RFC1: variants seen among roughly 807,000 people sequenced by gnomAD.
The protein encoded by RFC1 is A1 140 kDa subunit.
A neutral mutation model predicts 137.4 loss-of-function variants in RFC1; 37 were observed. The observed-to-expected ratio is 0.27, with a 90% CI of 0.21 to 0.35. The LOEUF (loss-of-function observed/expected upper bound fraction) is 0.35. Among genes scored for constraint, RFC1 ranks in the 10% least tolerant of loss-of-function variants. The pLI is 1.00. For synonymous variants in RFC1, 429 were observed against 455.7 expected, an observed-to-expected ratio of 0.94 and a Z score of 0.75; for missense variants, 1,205 against 1,358.5, an observed-to-expected ratio of 0.89 and a Z score of 1.78.
At chr4:39,336,434 T>C (rs1740354727) in intron 4 of RFC1, among the ~76,000 whole-genome samples, 2 of 152,248 alleles carry the variant, frequency 1.3e-5, no homozygotes, top group Admixed American at 1.3e-4. Flanking sequence ...AAGGGCTCAC[T>C]AAGCATAAAC....
intron 1 of RFC1, among the ~76,000 whole-genome samples, chr4:39,364,149 T>C (rs962975823): frequency 1.3e-5 from 2 of 150,424 alleles, no homozygotes; most frequent in African/African-American, 2.4e-5. Flanking sequence ...TATATGCCCA[T>C]ATGCATTTCT....
chr4:39,290,369 TC>T (rs1737603174), intron 23 of RFC1, among the ~76,000 whole-genome samples: 1 of 104,722 alleles, frequency 9.5e-6, no homozygotes, highest in Non-Finnish European at 1.8e-5. Flanking sequence ...TGAGATTCTG[TC>T]TAAAAAAAAA....
At chr4:39,336,313 A>G (rs1740347410) in intron 4 of RFC1, among the ~76,000 whole-genome samples, 1 of 37,152 alleles carries the variant, frequency 2.7e-5, no homozygotes, top group Non-Finnish European at 5.8e-5. Flanking sequence ...TCAAAAAAAG[A>G]GAAAGGCAGA....
intron 21 of RFC1, among the ~76,000 whole-genome samples, chr4:39,298,451 T>C (rs974777325): frequency 8.5e-5 from 13 of 152,260 alleles, no homozygotes; most frequent in African/African-American, 3.1e-4. Flanking sequence ...AGGCCAATAA[T>C]CCTGTATAAC....
In RFC1 at chr4:39,342,402, A is replaced by C; in HGVS notation, c.274T>G (p.Ser92Ala). 2 of 1,613,662 alleles carry C rather than the reference A, an allele frequency of 1.2e-6. No individual in the cohort carries two copies. The highest frequency in any genetic ancestry group is 1.7e-6 in the Non-Finnish European group (2 of 1,179,702). The change falls in exon 4 of 25, where the codon TCT (serine) becomes GCT (alanine). Residue 92 changes from serine to alanine, a missense_variant. Coordinates refer to ENST00000349703, the MANE Select transcript of RFC1 (RefSeq NM_002913.5). ...CGTGAAATTTTACCAGGTTTAGAAGATACTGGCAGTTTTTCTGGTGGCTTT... is the reference window on the plus strand; with the variant it reads ...CGTGAAATTTTACCAGGTTTAGAAGCTACTGGCAGTTTTTCTGGTGGCTTT... ...AKKPPEKLPV[S>A]SKPGKISRQD...
rs1432677571 is a variant in RFC1 at position 39,308,881 on chromosome 4, T to A, written c.1640A>T (p.Asp547Val). 1 of 1,614,178 alleles carries A rather than the reference T, an allele frequency of 6.2e-7. No homozygotes were observed. Among genetic ancestry groups the A allele is most frequent in the South Asian group, 1.1e-5 (1 of 91,086 alleles). Reference sequence around the variant, plus strand: ...GAAATCCAGGCTTTTCCAAAACACATCTGTTTCCTTTTTTATTGTCTTTGC... The same window carrying A: ...GAAATCCAGGCTTTTCCAAAACACAACTGTTTCCTTTTTTATTGTCTTTGC... ...SLAKTIKKET[D>V]VFWKSLDFKE... Residue 547 changes from aspartate (D) to valine (V), a missense_variant, in exon 13 of 25, where the codon GAT becomes GTT. Physicochemically the swap from Asp to Val is radical, Grantham distance 152. Transcript: ENST00000349703.
At chr4:39,360,518 TTAAAATAAAATAAAA>T (rs59665003) in intron 1 of RFC1, among the ~76,000 whole-genome samples, 65 of 146,270 alleles carry the variant, frequency 4.4e-4, no homozygotes, top group Admixed American at 5.5e-4. Flanking sequence ...CAAAATAAAA[TTAAAATAAAATAAAA>T]TAAAATAAAA....
intron 1 of RFC1, among the ~76,000 whole-genome samples, chr4:39,365,153 GAAAAA>G (rs745527928): frequency 2.5e-5 from 2 of 79,878 alleles, no homozygotes; most frequent in African/African-American, 4.6e-5. Flanking sequence ...GGGTTGAAAT[GAAAAA>G]AAAAAAAAAA....
intron 21 of RFC1, among the ~76,000 whole-genome samples, chr4:39,299,491 T>C (rs2109600156): frequency 6.6e-6 from 1 of 151,568 alleles, no homozygotes; most frequent in Admixed American, 6.6e-5. Flanking sequence ...CGGGCGCCTG[T>C]AGTCCCAGCT....
chr4:39,351,565 C>T (rs1014868238), intron 1 of RFC1, 89 bp from the exon 2 acceptor site: 26 of 1,164,254 alleles, frequency 2.2e-5, no homozygotes, highest in Non-Finnish European at 2.9e-5. Flanking sequence ...TTTATGTACA[C>T]ACTGGGTTAC....
intron 19 of RFC1, among the ~76,000 whole-genome samples, chr4:39,300,795 A>T (rs914594838): frequency 4.6e-5 from 7 of 152,212 alleles, no homozygotes; most frequent in Admixed American, 2.0e-4. Flanking sequence ...CTATCAAGCC[A>T]TGAAAAGACA....
chr4:39,364,291 C>A (rs1741913431), intron 1 of RFC1, among the ~76,000 whole-genome samples: 1 of 150,422 alleles, frequency 6.6e-6, no homozygotes, highest in Non-Finnish European at 1.5e-5. Context: ...GAACTACTGT[C>A]TTATAACTTT....
chr4:39,330,421 G>A (rs1740037509), intron 4 of RFC1, among the ~76,000 whole-genome samples: 1 of 152,120 alleles, frequency 6.6e-6, no homozygotes, highest in South Asian at 2.1e-4. Context: ...AAATCTCTGA[G>A]GATGCCAGTG....
rs1244805424 is a variant in RFC1, at chr4:39,329,912, GT to G, written c.332-2157del. On this transcript the variant is annotated intron_variant, in intron 4 of 24. Transcript: ENST00000349703. ...TAGCTGGGCGTGGTGGAGTATGCCT[GT>G]AATCCCAGCTATTTGGGCAGCTGAG... Among the ~76,000 whole-genome samples, 9 of 152,234 alleles carry G rather than the reference GT, an allele frequency of 5.9e-5. No homozygotes were observed. In the East Asian group the frequency reaches 1.7e-3, roughly 30 times the overall value.
intron 9 of RFC1, among the ~76,000 whole-genome samples, chr4:39,318,620 T>C (rs760341058): frequency 4.6e-5 from 7 of 152,182 alleles, no homozygotes; most frequent in African/African-American, 9.7e-5. Context: ...CAGTGAAGAG[T>C]ATCATTTAAA....
At chr4:39,348,452 A>ACGGG (rs1578164385) in intron 2 of RFC1, among the ~76,000 whole-genome samples, 1 of 133,002 alleles carries the variant, frequency 7.5e-6, no homozygotes. Flanking sequence ...AAGAAAAGAA[A>ACGGG]AGAAAAGAAA....
chr4:39,307,191 G>A (rs1738714034), intron 13 of RFC1, among the ~76,000 whole-genome samples: 1 of 152,184 alleles, frequency 6.6e-6, no homozygotes, highest in African/African-American at 2.4e-5. Flanking sequence ...TTCACTAAAT[G>A]TTAACAAGCA....
chr4:39,329,471 T>C (rs1259943383), intron 4 of RFC1, among the ~76,000 whole-genome samples: 1 of 151,532 alleles, frequency 6.6e-6, no homozygotes, highest in Non-Finnish European at 1.5e-5. Context: ...GCGCCTGTAG[T>C]CCCAGCTACT....
At position 39,334,660 on chromosome 4, in the gene RFC1, T is replaced by C. The variant is rs17288062; in HGVS notation, c.332-6904A>G. Among the ~76,000 whole-genome samples the C allele has an allele frequency of 8.6e-3, 1,303 of 152,276 alleles. 19 individuals carry two copies. The highest frequency in any genetic ancestry group is 0.028 in the African/African-American group (1,182 of 41,568). ...CTATGTTCTCTTCTCCCCAGAAACT[T>C]ACAATAAAATAATGATAAACAGATC... is the stretch of plus-strand genomic sequence containing the variant. On this transcript the variant is annotated intron_variant, in intron 4 of 24. Transcript: ENST00000349703.
Sources: allele counts gnomAD v4.1 joint callset (sites outside exome capture counted in the v4.1 genomes callset), GRCh38; gene constraint gnomAD v4.1.1; transcripts MANE v1.5; gene names NCBI Gene and HGNC (gene_info 2026-07-23, HGNC 2026-07-21).